Variants in AFF3 observed in about 807,000 individuals in gnomAD.
AFF3 encodes the protein AF4/FMR2 family member 3.
AFF3 carries 32 observed loss-of-function variants against 129.7 expected under a neutral mutation model. The observed-to-expected ratio is 0.25, with a 90% CI of 0.19 to 0.33. The LOEUF (loss-of-function observed/expected upper bound fraction) is 0.33, where lower values mean the gene tolerates loss of function less well. Ranked by LOEUF, AFF3 falls within the 10% of genes least tolerant of loss-of-function variation. The pLI is 1.00. For missense variants in AFF3, 1,373 were observed against 1,592.0 expected (o/e 0.86, Z 2.34); for synonymous variants, 644 against 635.4 (o/e 1.01, Z -0.20).
intron 7 of AFF3, among the ~76,000 whole-genome samples, chr2:99,842,609 T>C (rs891960444): frequency 3.9e-5 from 6 of 152,216 alleles, no homozygotes; most frequent in African/African-American, 1.4e-4. Flanking sequence ...AATTAAGAGC[T>C]AGCAACCCCA....
At chr2:100,059,254 CAAAAAAA>C (rs59005550) in intron 4 of AFF3, among the ~76,000 whole-genome samples, 1 of 31,020 alleles carries the variant, frequency 3.2e-5, no homozygotes, top group African/African-American at 1.5e-4. Context: ...ACTCTGTCTC[CAAAAAAA>C]AAAAAAAAAA....
intron 7 of AFF3, among the ~76,000 whole-genome samples, chr2:99,975,877 A>G (rs939600302): frequency 4.0e-5 from 6 of 150,178 alleles, no homozygotes; most frequent in Non-Finnish European, 4.4e-5. Context: ...TGAAAAAAAA[A>G]AAAAAGAAAA....
intron 18 of AFF3, among the ~76,000 whole-genome samples, chr2:99,573,113 T>C (rs932291645): frequency 6.6e-6 from 1 of 152,214 alleles, no homozygotes; most frequent in Non-Finnish European, 1.5e-5. Flanking sequence ...ATCAATCTGA[T>C]GGTTGTTTTT....
intron 7 of AFF3, among the ~76,000 whole-genome samples, chr2:99,888,329 CTG>C (rs1439219888): frequency 6.6e-6 from 1 of 152,174 alleles, no homozygotes; most frequent in Non-Finnish European, 1.5e-5. Flanking sequence ...TGAATAAAAA[CTG>C]TTAATTAAAC....
chr2:100,044,157 T>C (rs970803467), intron 4 of AFF3, among the ~76,000 whole-genome samples: 1 of 152,196 alleles, frequency 6.6e-6, no homozygotes, highest in Non-Finnish European at 1.5e-5. Flanking sequence ...TTCTGCACCT[T>C]ACCCTACTTC....
intron 4 of AFF3, among the ~76,000 whole-genome samples, chr2:100,076,532 C>T (rs1688601759): frequency 6.6e-6 from 1 of 152,170 alleles, no homozygotes; most frequent in South Asian, 2.1e-4. Flanking sequence ...CTCAAAACAC[C>T]TATGGCTCCA....
intron 16 of AFF3, among the ~76,000 whole-genome samples, chr2:99,584,679 T>C (rs1677918021): frequency 6.6e-6 from 1 of 152,192 alleles, no homozygotes. Flanking sequence ...CTTAAAAGTA[T>C]TGTTTGGGGA....
At chr2:100,049,220 C>T (rs1454409787) in intron 4 of AFF3, among the ~76,000 whole-genome samples, 10 of 152,156 alleles carry the variant, frequency 6.6e-5, no homozygotes, top group Admixed American at 6.5e-4. Context: ...ATACATCCCA[C>T]CAAAGGGATA....
intron 2 of AFF3, among the ~76,000 whole-genome samples, chr2:100,126,901 A>C (rs1441388632): frequency 1.3e-5 from 2 of 152,210 alleles, no homozygotes; most frequent in African/African-American, 4.8e-5. Context: ...GTGTTGACAC[A>C]CTGGGAAAGG....
chr2:99,715,391 TATAACAGGAGGAACA>T (rs1678280779), intron 11 of AFF3, among the ~76,000 whole-genome samples: 1 of 152,226 alleles, frequency 6.6e-6, no homozygotes, highest in Non-Finnish European at 1.5e-5. Context: ...TGAATATTGT[TATAACAGGAGGAACA>T]ATGATTTATT....
chr2:99,631,467 C>T (rs1317196691), intron 13 of AFF3, among the ~76,000 whole-genome samples: 1 of 152,210 alleles, frequency 6.6e-6, no homozygotes, highest in African/African-American at 2.4e-5. Flanking sequence ...TTTTCATTTT[C>T]CCAAACTGAA....
At chr2:99,916,186 G>A (rs887838320) in intron 7 of AFF3, among the ~76,000 whole-genome samples, 1 of 152,072 alleles carries the variant, frequency 6.6e-6, no homozygotes, top group African/African-American at 2.4e-5. Flanking sequence ...TAAAAGAAAA[G>A]CTCTCTGCCT....
chr2:99,863,517 C>A (rs1183628539), intron 7 of AFF3, among the ~76,000 whole-genome samples: 1 of 152,144 alleles, frequency 6.6e-6, no homozygotes, highest in Non-Finnish European at 1.5e-5. Context: ...CTTAGAGATA[C>A]TGGAAAAATA....
chr2:99,612,866 C>T (rs1681066341), intron 13 of AFF3, among the ~76,000 whole-genome samples: 1 of 152,178 alleles, frequency 6.6e-6, no homozygotes, highest in Admixed American at 6.5e-5. Context: ...TGGTCTTTCC[C>T]TGCCAGTGTG....
chr2:99,795,161 T>C (rs920035242), intron 8 of AFF3, among the ~76,000 whole-genome samples: 1 of 152,042 alleles, frequency 6.6e-6, no homozygotes, highest in African/African-American at 2.4e-5. Context: ...AGAGAAAAAG[T>C]AGTGTGCATA....
intron 4 of AFF3, among the ~76,000 whole-genome samples, chr2:100,099,619 C>G (rs1690565149): frequency 6.6e-6 from 1 of 152,076 alleles, no homozygotes; most frequent in Non-Finnish European, 1.5e-5. Context: ...GAATATCTTA[C>G]TTTCAACAGG....
intron 7 of AFF3, among the ~76,000 whole-genome samples, chr2:99,990,385 C>T (rs747809484): frequency 2.0e-5 from 3 of 152,028 alleles, no homozygotes; most frequent in Non-Finnish European, 4.4e-5. Flanking sequence ...AGAGTGAACA[C>T]GATCTAATTG....
At chr2:99,773,062 T>C (rs373071915) in intron 8 of AFF3, among the ~76,000 whole-genome samples, 1 of 152,212 alleles carries the variant, frequency 6.6e-6, no homozygotes, top group African/African-American at 2.4e-5. Context: ...TGCTCACCCG[T>C]TGTCACTTCC....
chr2:99,819,848 C>A (rs1306398713), intron 8 of AFF3, among the ~76,000 whole-genome samples: 1 of 152,182 alleles, frequency 6.6e-6, no homozygotes, highest in Non-Finnish European at 1.5e-5. Flanking sequence ...CTCTTGGTTT[C>A]TCCTGACTCT....
Sources: allele counts gnomAD v4.1 joint callset (sites outside exome capture counted in the v4.1 genomes callset), GRCh38; gene constraint gnomAD v4.1.1; transcripts MANE v1.5; gene names NCBI Gene and HGNC (gene_info 2026-07-23, HGNC 2026-07-21).